DSCAML1: variants seen among roughly 807,000 people sequenced by gnomAD.
The protein encoded by DSCAML1 is cell adhesion molecule DSCAML1.
A neutral mutation model predicts 200.5 loss-of-function variants in DSCAML1; 38 were observed. The ratio of observed to expected loss-of-function variants is 0.19; its 90% CI spans 0.15 to 0.25. The LOEUF (loss-of-function observed/expected upper bound fraction) is 0.25. Among genes scored for constraint, DSCAML1 ranks in the 10% least tolerant of loss-of-function variants. DSCAML1 has a pLI of 1.00. For synonymous variants in DSCAML1, 1,215 were observed against 1,165.0 expected (o/e 1.04, Z -0.87); for missense variants, 2,223 against 2,858.8 (o/e 0.78, Z 5.07).
At chr11:117,482,841 C>T (rs2048957512) in intron 11 of DSCAML1, among the ~76,000 whole-genome samples, 1 of 152,236 alleles carries the variant, frequency 6.6e-6, no homozygotes, top group Non-Finnish European at 1.5e-5. Context: ...CTTCTAGCGG[C>T]CTCTGGACCC....
intron 3 of DSCAML1, among the ~76,000 whole-genome samples, chr11:117,742,478 C>G (rs2054440478): frequency 6.6e-6 from 1 of 152,196 alleles, no homozygotes; most frequent in Non-Finnish European, 1.5e-5. Context: ...ATGCAGGAAT[C>G]TCAAATGCTC....
intron 3 of DSCAML1, among the ~76,000 whole-genome samples, chr11:117,680,468 C>G (rs2053292337): frequency 1.3e-5 from 2 of 152,216 alleles, no homozygotes; most frequent in South Asian, 4.1e-4. Flanking sequence ...GGCATGCCAG[C>G]TGTGAGAGCT....
chr11:117,542,032 G>A lies in DSCAML1; in HGVS notation c.512-9510C>T, dbSNP rs185120229. Among the ~76,000 whole-genome samples the A allele has an allele frequency of 1.6e-4, 25 of 152,274 alleles. No individual in the cohort carries two copies. The East Asian group carries it at 4.1e-3, about 25-fold the overall frequency. On this transcript the variant is annotated intron_variant, in intron 3 of 32. Coordinates refer to ENST00000651296, the MANE Select transcript of DSCAML1 (RefSeq NM_020693.4). ...GTGAAATAGAAGATGCAATGAGGCCGGGCACTGTGGCTCATGCCTGTAATC... is the reference window on the plus strand; with the variant it reads ...GTGAAATAGAAGATGCAATGAGGCCAGGCACTGTGGCTCATGCCTGTAATC...
intron 3 of DSCAML1, among the ~76,000 whole-genome samples, chr11:117,741,538 C>CT (rs2054423115): frequency 6.6e-6 from 1 of 152,240 alleles, no homozygotes; most frequent in South Asian, 2.1e-4. Context: ...CTTGCATCAC[C>CT]AAAGTGGGAA....
intron 1 of DSCAML1, among the ~76,000 whole-genome samples, chr11:117,803,762 C>A (rs932584006): frequency 6.6e-6 from 1 of 152,206 alleles, no homozygotes; most frequent in African/African-American, 2.4e-5. Flanking sequence ...TTGTACAGTG[C>A]TGTTCACACA....
Position 117,437,940 on chromosome 11 carries a change from A to G in DSCAML1, c.4387T>C (p.Ser1463Pro). The G allele has an allele frequency of 6.2e-7, 1 of 1,613,502 alleles. No individual in the cohort carries two copies. Among genetic ancestry groups the G allele is most frequent in the Non-Finnish European group, 8.5e-7 (1 of 1,179,968 alleles). ...TCGATGATCTCGCTGATGCGCCCAG[A>G]GCCCACGCTGTTCTTGGCTGCCAGC... ...VKLAAKNSVG[S>P]GRISEIIEAK... Residue 1463 changes from serine (S) to proline (P), a missense_variant, in exon 25 of 33, where the codon TCT becomes CCT. By Grantham distance (74) the Ser-to-Pro change is moderately conservative. Around this residue, in one of 7 missense-constraint regions of DSCAML1, gnomAD observed 614 missense variants for 739.1 expected, o/e 0.83. Transcript: ENST00000651296. This position sits in a 1 kb window ranked among gnomAD's most constrained non-coding sequence, Gnocchi z 5.3.
At chr11:117,756,763 C>A (rs1013324078) in intron 3 of DSCAML1, among the ~76,000 whole-genome samples, 1 of 151,980 alleles carries the variant, frequency 6.6e-6, no homozygotes, top group Non-Finnish European at 1.5e-5. Context: ...GGAAACAGCA[C>A]GTTCAGACCA....
At chr11:117,574,443 C>T (rs112267431) in intron 3 of DSCAML1, among the ~76,000 whole-genome samples, 1 of 152,202 alleles carries the variant, frequency 6.6e-6, no homozygotes. Context: ...GTCTCTGAGG[C>T]CCACATCCTT....
Position 117,437,458 on chromosome 11 carries a change from C to T in DSCAML1, c.4433-49G>A. On this transcript the variant is annotated intron_variant, in intron 25 of 32. Coordinates refer to ENST00000651296, the MANE Select transcript of DSCAML1 (RefSeq NM_020693.4). The surrounding 1 kb of genome is among the most constrained non-coding windows in gnomAD (Gnocchi z 5.3). Reference sequence around the variant, plus strand: ...GAGGTTAGAGAGATTTGGTGGGAGGCAGGACTGGACTGGGCTGGGCTGGAA... The same window carrying T: ...GAGGTTAGAGAGATTTGGTGGGAGGTAGGACTGGACTGGGCTGGGCTGGAA... The T allele has an allele frequency of 6.3e-7, 1 of 1,579,234 alleles. No homozygotes were observed. Among genetic ancestry groups the T allele is most frequent in the Non-Finnish European group, 8.6e-7 (1 of 1,159,612 alleles).
At chr11:117,796,698 C>T (rs1356002820) in intron 1 of DSCAML1, among the ~76,000 whole-genome samples, 2 of 152,342 alleles carry the variant, frequency 1.3e-5, no homozygotes, top group East Asian at 1.9e-4. Context: ...GGTCCCAGTG[C>T]CACCAAGCCG....
intron 3 of DSCAML1, among the ~76,000 whole-genome samples, chr11:117,557,428 G>A (rs1591262604): frequency 6.6e-6 from 1 of 152,166 alleles, no homozygotes; most frequent in South Asian, 2.1e-4. Flanking sequence ...CCTGACCACC[G>A]TCCCTGGAGG....
chr11:117,749,399 C>T (rs560414965), intron 3 of DSCAML1, among the ~76,000 whole-genome samples: 2 of 152,206 alleles, frequency 1.3e-5, no homozygotes, highest in South Asian at 2.1e-4. Flanking sequence ...TGAAGGCCAA[C>T]GCTATTGACA....
At chr11:117,484,886 A>AGTGTGTGTGTGTGTGTGTGTGTGT (rs55850829) in intron 11 of DSCAML1, among the ~76,000 whole-genome samples, 1 of 119,090 alleles carries the variant, frequency 8.4e-6, no homozygotes, top group Non-Finnish European at 1.8e-5. Flanking sequence ...GCAGAGGAAC[A>AGTGTGTGTGTGTGTGTGTGTGTGT]GTGTGTGTGT....
intron 3 of DSCAML1, among the ~76,000 whole-genome samples, chr11:117,606,202 C>T (rs984673869): frequency 3.3e-5 from 5 of 152,218 alleles, no homozygotes; most frequent in Middle Eastern, 3.4e-3. Flanking sequence ...TTCTTTCTTT[C>T]CCTCCTGAGA....
chr11:117,773,074 G>C (rs1176780013), intron 3 of DSCAML1, among the ~76,000 whole-genome samples: 1 of 152,240 alleles, frequency 6.6e-6, no homozygotes, highest in East Asian at 1.9e-4. Flanking sequence ...CTTCAGGATA[G>C]CCAGGGATAG....
chr11:117,567,510 T>G (rs1160372646), intron 3 of DSCAML1, among the ~76,000 whole-genome samples: 1 of 152,164 alleles, frequency 6.6e-6, no homozygotes, highest in Non-Finnish European at 1.5e-5. Flanking sequence ...TTGTGAAAAT[T>G]TTCTCCCATT....
intron 3 of DSCAML1, among the ~76,000 whole-genome samples, chr11:117,627,963 C>T (rs1024482511): frequency 6.6e-6 from 1 of 152,098 alleles, no homozygotes; most frequent in Admixed American, 6.6e-5. Context: ...CCTCCATTTC[C>T]CTGTATTTCC....
chr11:117,669,421 A>G (rs1333954093), intron 3 of DSCAML1, among the ~76,000 whole-genome samples: 1 of 152,170 alleles, frequency 6.6e-6, no homozygotes, highest in Non-Finnish European at 1.5e-5. Flanking sequence ...GTGAGTGGTG[A>G]GAGATGGCAA....
chr11:117,582,992 A>ATATTATTATTAT (rs6144528), intron 3 of DSCAML1, among the ~76,000 whole-genome samples: 53,685 of 144,822 alleles, frequency 0.37, 10,493 homozygotes, highest in South Asian at 0.44. Context: ...GGAGACAGGG[A>ATATTATTATTAT]TATTATTATT....
Sources: allele counts gnomAD v4.1 joint callset (sites outside exome capture counted in the v4.1 genomes callset), GRCh38; gene constraint gnomAD v4.1.1; regional missense constraint gnomAD v4.1.1; non-coding constraint Gnocchi (gnomAD v3.1); transcripts MANE v1.5; gene names NCBI Gene and HGNC (gene_info 2026-07-23, HGNC 2026-07-21).